The following ZNF324B variants were observed in gnomAD, a reference collection of about 807,000 sequenced individuals.
ZNF324B encodes the protein zinc finger protein 324B.
A neutral mutation model predicts 10.6 loss-of-function variants in ZNF324B; 7 were observed. That is an observed-to-expected ratio of 0.66 (90% confidence interval 0.38 to 1.24). The LOEUF is 1.24. ZNF324B is among the 50% of genes most tolerant of loss of function. The pLI, the probability that ZNF324B is intolerant of heterozygous loss-of-function variation, is 0.02. For missense variants in ZNF324B, 640 were observed against 764.7 expected (o/e 0.84, Z 1.92); for synonymous variants, 316 against 321.0 (o/e 0.98, Z 0.17).
chr19:58,444,869 A>T, the ZNF324B span: 1 of 153,074 alleles, frequency 6.5e-6, no homozygotes, highest in Non-Finnish European at 1.5e-5. Flanking sequence ...GTATAGTAAC[A>T]TGGGGAATCC....
chr19:58,428,016 G>T, the ZNF324B span, among the ~76,000 whole-genome samples: 1 of 152,204 alleles, frequency 6.6e-6, no homozygotes, highest in Non-Finnish European at 1.5e-5. Context: ...GCCTGAGTAG[G>T]GTAGGTATCC....
the ZNF324B span, among the ~76,000 whole-genome samples, chr19:58,419,769 G>A: frequency 6.6e-6 from 1 of 152,124 alleles, no homozygotes; most frequent in South Asian, 2.1e-4. Context: ...TTCCCTCTGG[G>A]GCTCAAGAGA....
chr19:58,425,376 G>A, the ZNF324B span, among the ~76,000 whole-genome samples: 4 of 151,616 alleles, frequency 2.6e-5, no homozygotes, highest in African/African-American at 4.8e-5. Flanking sequence ...GAGCCATCAC[G>A]CCCGACTGAA....
chr19:58,436,667 C>CG, the ZNF324B span, among the ~76,000 whole-genome samples: 3 of 65,554 alleles, frequency 4.6e-5, no homozygotes, highest in South Asian at 1.7e-3. Flanking sequence ...GACTCCATCT[C>CG]AAAAAAAAAA....
At chr19:58,433,889 C>T in the ZNF324B span, 24 of 1,613,804 alleles carry the variant, frequency 1.5e-5, 1 homozygote, top group East Asian at 6.7e-5. Context: ...TTCCTACATT[C>T]GCTGCACTCA....
At chr19:58,432,407 C>A in the ZNF324B span, 1 of 451,360 alleles carries the variant, frequency 2.2e-6, no homozygotes, top group East Asian at 6.1e-5. Flanking sequence ...GGAACTATGG[C>A]TATTCCTTTG....
At chr19:58,442,926 G>A in the ZNF324B span, 3 of 152,256 alleles carry the variant, frequency 2.0e-5, no homozygotes, top group African/African-American at 4.8e-5. Flanking sequence ...GCGGGTTGCC[G>A]CTGCTGGCTT....
chr19:58,422,452 G>A, the ZNF324B span, among the ~76,000 whole-genome samples: 3 of 152,156 alleles, frequency 2.0e-5, no homozygotes, highest in Admixed American at 6.5e-5. Flanking sequence ...AATTGGAGGA[G>A]ACTAAGTAAG....
chr19:58,437,293 C>T, the ZNF324B span: 3 of 1,441,082 alleles, frequency 2.1e-6, no homozygotes, highest in Non-Finnish European at 2.8e-6. Flanking sequence ...GATACATCTA[C>T]CACTAATATC....
the ZNF324B span, among the ~76,000 whole-genome samples, chr19:58,438,705 C>G: frequency 6.6e-6 from 1 of 151,962 alleles, no homozygotes; most frequent in East Asian, 1.9e-4. Context: ...AATCTCCTGA[C>G]CTAGTGATCC....
In ZNF324B at chr19:58,451,669, C is replaced by T. The variant is rs533542991; in HGVS notation, c.-42C>T. On this transcript the variant is annotated 5_prime_UTR_variant, in exon 1 of 4. Coordinates refer to ENST00000336614, the MANE Select transcript of ZNF324B (RefSeq NM_207395.3). ...GCCACACCGGTGGTCTGGGCTGTGG[C>T]GCGCGGGTCGGGGCCCGAGGCGGGC... 2 of 506,178 alleles carry T rather than the reference C, an allele frequency of 4.0e-6. No homozygotes were observed. Among genetic ancestry groups the T allele is most frequent in the East Asian group, 6.1e-5 (1 of 16,440 alleles). 31.4% of individuals were successfully genotyped at this position (506,178 alleles called of 1,614,324 possible). A position where few individuals can be genotyped will look rare whatever the true frequency, so the allele number is the denominator to read the frequency against.
At chr19:58,433,500 A>T in the ZNF324B span, 1 of 1,614,072 alleles carries the variant, frequency 6.2e-7, no homozygotes, top group South Asian at 1.1e-5. Context: ...CTTGTGTGTG[A>T]ACTCTCTGAT....
chr19:58,453,087 AAAT>A, intron 1 of ZNF324B: 1 of 24,452 alleles, frequency 4.1e-5, no homozygotes, highest in South Asian at 6.3e-4. Context: ...AAATAAAAAT[AAAT>A]AAATAAATAA....
the ZNF324B span, chr19:58,436,297 CAT>C: frequency 6.5e-5 from 10 of 154,048 alleles, no homozygotes; most frequent in African/African-American, 2.2e-4. Context: ...CATGTGAAAA[CAT>C]ATAGAAATCA....
chr19:58,446,821 C>A (rs1410478356), upstream of ZNF324B, among the ~76,000 whole-genome samples: 1 of 152,002 alleles, frequency 6.6e-6, no homozygotes, highest in Admixed American at 6.6e-5. Context: ...GTGATCCCCC[C>A]ACCTCGGCCT....
At chr19:58,437,342 C>A in the ZNF324B span, 1 of 1,098,682 alleles carries the variant, frequency 9.1e-7, no homozygotes, top group Non-Finnish European at 1.3e-6. Context: ...CCACTACTCA[C>A]CCATCCACAG....
At chr19:58,419,579 C>T in the ZNF324B span, among the ~76,000 whole-genome samples, 1 of 152,182 alleles carries the variant, frequency 6.6e-6, no homozygotes, top group Non-Finnish European at 1.5e-5. Flanking sequence ...AGCAAATAAT[C>T]TACAGACTTT....
At chr19:58,439,879 T>TGACGGTCGCACTCAG in the ZNF324B span, 1 of 1,517,266 alleles carries the variant, frequency 6.6e-7, no homozygotes, top group East Asian at 2.6e-5. Flanking sequence ...TTCCGCTGGG[T>TGACGGTCGCACTCAG]GACGGTCGCA....
chr19:58,456,685 T>A lies in ZNF324B; in HGVS notation c.*106T>A, dbSNP rs1466724169. ...CCACGATGGGGAAAAGCTCTGTGCC[T>A]GAGAGTCAGGGACGAGGGAGACCCT... On this transcript the variant is annotated 3_prime_UTR_variant, in exon 4 of 4. Transcript: ENST00000336614. The surrounding 1 kb of genome is among the most constrained non-coding windows in gnomAD (Gnocchi z 4.7). 1.4e-6 allele frequency: 2 copies of A among 1,383,408 alleles called. No homozygotes were observed. The highest frequency in any genetic ancestry group is 1.9e-6 in the Non-Finnish European group (2 of 1,026,994). 85.7% of individuals were successfully genotyped at this position (1,383,408 alleles called of 1,614,324 possible). A position where few individuals can be genotyped will look rare whatever the true frequency, so the allele number is the denominator to read the frequency against.
Sources: gnomAD v4.1 joint callset for allele counts (sites outside exome capture counted in the v4.1 genomes callset) on GRCh38, gnomAD v4.1.1 for gene constraint, Gnocchi (gnomAD v3.1) non-coding constraint, MANE v1.5 for transcripts, NCBI Gene and HGNC (gene_info 2026-07-23, HGNC 2026-07-21) for gene names.